The following NLGN4X variants were observed in gnomAD, a reference collection of about 807,000 sequenced individuals.
NLGN4X encodes neuroligin-4, X-linked.
NLGN4X carries 3 observed loss-of-function variants against 40.3 expected under a neutral mutation model. That is an observed-to-expected ratio of 0.07 (90% CI 0.03 to 0.19). The LOEUF (loss-of-function observed/expected upper bound fraction) is 0.19. Ranked by LOEUF, NLGN4X falls within the 10% of genes least tolerant of loss-of-function variation. The probability of loss-of-function intolerance (pLI) is 1.00; values close to 1 mark genes in which losing one functional copy is unlikely to be tolerated. For missense variants in NLGN4X, 382 were observed against 708.3 expected (o/e 0.54, Z 5.23); for synonymous variants, 270 against 306.8 (o/e 0.88, Z 1.25).
intron 3 of NLGN4X, among the ~76,000 whole-genome samples, chrX:5,958,659 C>T (rs1005536444): frequency 1.8e-5 from 2 of 111,997 alleles, no homozygotes; most frequent in African/African-American, 3.2e-5. Flanking sequence ...CCATTCAAAA[C>T]TGCCATCTTA....
chrX:5,904,316 AT>A (rs2032066153), intron 4 of NLGN4X, among the ~76,000 whole-genome samples: 2 of 112,096 alleles, frequency 1.8e-5, no homozygotes, highest in East Asian at 5.6e-4. Flanking sequence ...AAAACTAGGT[AT>A]CTCTTCATTA....
chrX:6,155,218 A>G (rs1174168012), intron 1 of NLGN4X, among the ~76,000 whole-genome samples: 1 of 111,652 alleles, frequency 9.0e-6, no homozygotes, highest in Non-Finnish European at 1.9e-5. Flanking sequence ...GTCTGGGCCC[A>G]CTGAGATGTC....
chrX:5,959,062 A>G (rs765358536), intron 3 of NLGN4X, among the ~76,000 whole-genome samples: 1 of 112,446 alleles, frequency 8.9e-6, no homozygotes, highest in South Asian at 3.7e-4. Flanking sequence ...TTACACATAT[A>G]GGCAGTCATT....
At chrX:5,962,722 G>A (rs993615361) in intron 3 of NLGN4X, among the ~76,000 whole-genome samples, 2 of 111,631 alleles carry the variant, frequency 1.8e-5, no homozygotes, top group African/African-American at 3.3e-5. Context: ...TAGATCATGA[G>A]GATGGAGTAC....
chrX:6,112,993 CCATGAGAAAAA>C (rs1328087472), intron 2 of NLGN4X, among the ~76,000 whole-genome samples: 1 of 110,440 alleles, frequency 9.1e-6, no homozygotes, highest in Non-Finnish European at 1.9e-5. Flanking sequence ...CCCAGTATAA[CCATGAGAAAAA>C]CATCAGACAA....
intron 3 of NLGN4X, among the ~76,000 whole-genome samples, chrX:5,940,961 A>T (rs1381889529): frequency 9.1e-6 from 1 of 109,528 alleles, no homozygotes; most frequent in African/African-American, 3.3e-5. Flanking sequence ...CAAAAAAAAA[A>T]GTTTTTTCAA....
At position 5,919,452 on chromosome X, in the gene NLGN4X, G is replaced by T. The variant is rs1262175085; in HGVS notation, c.626-10213C>A. Among the ~76,000 whole-genome samples the T allele has an allele frequency of 2.7e-5, 3 of 111,804 alleles. No individual in the cohort carries two copies. The East Asian group carries it at 8.4e-4, about 31-fold the overall frequency. On this transcript the variant is annotated intron_variant, in intron 3 of 5. Transcript: ENST00000381095. ...GGTAGGATGTGAACATATGTAGGGG[G>T]CTGTTATTCTGTCCTCTACAGCAGG...
intron 1 of NLGN4X, among the ~76,000 whole-genome samples, chrX:6,168,852 G>A (rs960690519): frequency 5.4e-5 from 6 of 111,439 alleles, no homozygotes; most frequent in African/African-American, 2.0e-4. Context: ...CTGCAGCCTC[G>A]ACCTTTTGGG....
Position 6,003,271 on chromosome X carries a change from G to A in NLGN4X, c.625+26009C>T, listed in dbSNP as rs2036018016. ...AAGCTTACAGTGGCGTGAAAGCAGGGATACAGAGGCAGGACAAACTCAGGA... is the reference window on the plus strand; with the variant it reads ...AAGCTTACAGTGGCGTGAAAGCAGGAATACAGAGGCAGGACAAACTCAGGA... On this transcript the variant is annotated intron_variant, in intron 3 of 5. Coordinates refer to ENST00000381095, the MANE Select transcript of NLGN4X (RefSeq NM_181332.3). 2.7e-5 allele frequency among the ~76,000 whole-genome samples: 3 copies of A among 112,003 alleles called. No individual in the cohort carries two copies. In the South Asian group the frequency reaches 1.1e-3, roughly 41 times the overall value.
At chrX:6,150,047 A>C (rs2147697113) in intron 2 of NLGN4X, among the ~76,000 whole-genome samples, 1 of 111,025 alleles carries the variant, frequency 9.0e-6, no homozygotes, top group African/African-American at 3.3e-5. Flanking sequence ...CAAAGGACAC[A>C]CTCTAGTTTC....
intron 3 of NLGN4X, among the ~76,000 whole-genome samples, chrX:5,919,502 C>T (rs112565679): frequency 0.012 from 1,316 of 111,584 alleles, 17 homozygotes; most frequent in African/African-American, 0.04. Flanking sequence ...AGGCCATGGA[C>T]CAGTTTTGGT....
At chrX:6,209,802 G>A (rs960976410) in intron 1 of NLGN4X, among the ~76,000 whole-genome samples, 1 of 111,912 alleles carries the variant, frequency 8.9e-6, no homozygotes, top group Non-Finnish European at 1.9e-5. Flanking sequence ...AAGAATGATA[G>A]CCAACTATCT....
At chrX:6,173,383 T>C (rs1310008791) in intron 1 of NLGN4X, among the ~76,000 whole-genome samples, 1 of 111,672 alleles carries the variant, frequency 9.0e-6, no homozygotes, top group Non-Finnish European at 1.9e-5. Context: ...AGGCTGGCCA[T>C]AGGAACTGGA....
intron 2 of NLGN4X, among the ~76,000 whole-genome samples, chrX:6,103,985 C>T (rs1436209122): frequency 1.8e-5 from 2 of 111,548 alleles, no homozygotes; most frequent in South Asian, 3.8e-4. Context: ...TGCACTTGTG[C>T]GTGAGGCATG....
intron 3 of NLGN4X, among the ~76,000 whole-genome samples, chrX:5,938,139 T>C (rs886991574): frequency 9.0e-6 from 1 of 111,519 alleles, no homozygotes; most frequent in Admixed American, 9.6e-5. Context: ...CAGGCTGGGA[T>C]CTCACAGTCA....
chrX:6,204,861 T>C (rs994556869), intron 1 of NLGN4X, among the ~76,000 whole-genome samples: 1 of 111,776 alleles, frequency 8.9e-6, no homozygotes, highest in Non-Finnish European at 1.9e-5. Context: ...AGTAACAATG[T>C]ACCGAAGACT....
At chrX:6,037,250 G>A (rs2037037958) in intron 2 of NLGN4X, among the ~76,000 whole-genome samples, 1 of 108,818 alleles carries the variant, frequency 9.2e-6, no homozygotes, top group Admixed American at 9.9e-5. Flanking sequence ...AGGTTGCAGT[G>A]AGCTGAGATC....
At chrX:6,069,866 G>A (rs192383035) in intron 2 of NLGN4X, among the ~76,000 whole-genome samples, 105 of 111,796 alleles carry the variant, frequency 9.4e-4, no homozygotes, top group African/African-American at 3.2e-3. Flanking sequence ...CATCTTAAGC[G>A]TCTCAAATAA....
intron 3 of NLGN4X, among the ~76,000 whole-genome samples, chrX:5,935,081 T>C (rs917357651): frequency 1.8e-5 from 2 of 112,235 alleles, no homozygotes; most frequent in African/African-American, 6.4e-5. Flanking sequence ...AGAAAAATTA[T>C]AGTCTATCTT....
Sources: gnomAD v4.1 joint callset for allele counts (sites outside exome capture counted in the v4.1 genomes callset) on GRCh38, gnomAD v4.1.1 for gene constraint, MANE v1.5 for transcripts, NCBI Gene and HGNC (gene_info 2026-07-23, HGNC 2026-07-21) for gene names.